Variants in SPDL1 observed in about 807,000 individuals in gnomAD.
The protein encoded by SPDL1 is spindle apparatus coiled-coil protein 1, also known as protein Spindly.
Under a neutral mutation model 79.5 loss-of-function variants are expected in SPDL1, and 85 were observed. The observed-to-expected ratio is 1.07, with a 90% CI of 0.90 to 1.28. The LOEUF (loss-of-function observed/expected upper bound fraction) is 1.28, where lower values mean the gene tolerates loss of function less well. Among genes scored for constraint, SPDL1 ranks in the 50% most tolerant of loss-of-function variants. The probability of loss-of-function intolerance (pLI) is 0.00; values close to 1 mark genes in which losing one functional copy is unlikely to be tolerated. For synonymous variants in SPDL1, 269 were observed against 240.3 expected, an observed-to-expected ratio of 1.12 and a Z score of -1.10; for missense variants, 703 against 697.8, an observed-to-expected ratio of 1.01 and a Z score of -0.08.
At position 169,604,154 on chromosome 5, in the gene SPDL1, A is replaced by G. The variant is rs1456807181; in HGVS notation, c.1765A>G (p.Ile589Val). 1.2e-6 allele frequency: 2 copies of G among 1,612,484 alleles called. No homozygotes were observed. The highest frequency in any genetic ancestry group is 1.7e-6 in the Non-Finnish European group (2 of 1,179,412). ...EKETCKKLHP[I>V]LYVSSKSTPE... ...AGAAACTTGTAAGAAATTACACCCTATTCTATATGTGTCTTCTAAATCTAC... is the reference window on the plus strand; with the variant it reads ...AGAAACTTGTAAGAAATTACACCCTGTTCTATATGTGTCTTCTAAATCTAC... The change falls in exon 12 of 12, where the codon ATT becomes GTT. Residue 589 changes from isoleucine to valine, a missense_variant. By Grantham distance (29) the Ile-to-Val change is conservative. Coordinates refer to ENST00000265295, the MANE Select transcript of SPDL1 (RefSeq NM_017785.5).
At chr5:169,589,878 T>C (rs1471860879) in intron 2 of SPDL1, among the ~76,000 whole-genome samples, 1 of 152,028 alleles carries the variant, frequency 6.6e-6, no homozygotes, top group Non-Finnish European at 1.5e-5. Flanking sequence ...AATTTTTGTG[T>C]TTTTAGTAGA....
At position 169,604,305 on chromosome 5, in the gene SPDL1, T is replaced by A; in HGVS notation, c.*98T>A. 5 of 1,219,512 alleles carry A rather than the reference T, an allele frequency of 4.1e-6. No individual in the cohort carries two copies. The highest frequency in any genetic ancestry group is 5.5e-6 in the Non-Finnish European group (5 of 911,898). 75.5% of individuals were successfully genotyped at this position (1,219,512 alleles called of 1,614,324 possible). On this transcript the variant is annotated 3_prime_UTR_variant, in exon 12 of 12. Transcript: ENST00000265295. The stretch of plus-strand genomic sequence containing the variant: ...TGACATATATCACCTTCTGGGTTAT[T>A]TACTCATTGTGCCAGGACCTGGCAT...
intron 11 of SPDL1, 99 bp downstream of exon 11, chr5:169,601,724 C>T: frequency 9.3e-7 from 1 of 1,077,034 alleles, no homozygotes; most frequent in South Asian, 1.3e-5. Flanking sequence ...TACTTTCTTA[C>T]AATTGCATGC....
chr5:169,604,268 A>G lies in SPDL1; in HGVS notation c.*61A>G. ...CTCAAAAGTTACTATGGTGCTTAAG[A>G]TTGTCTTGATCTGACATATATCACC... On this transcript the variant is annotated 3_prime_UTR_variant, in exon 12 of 12. Transcript: ENST00000265295. 1.4e-6 allele frequency: 2 copies of G among 1,427,194 alleles called. No homozygotes were observed. The highest frequency in any genetic ancestry group is 1.4e-5 in the African/African-American group (1 of 69,186). 88.4% of individuals were successfully genotyped at this position (1,427,194 alleles called of 1,614,324 possible).
chr5:169,599,160 G>T lies in SPDL1; in HGVS notation c.1324+1G>T, dbSNP rs557464083. 4 of 1,448,116 alleles carry T rather than the reference G, an allele frequency of 2.8e-6. No homozygotes were observed. The highest frequency in any genetic ancestry group is 2.4e-5 in the East Asian group (1 of 42,098). The allele number at this position is 1,448,116 out of a possible 1,614,324, so 89.7% of individuals were successfully genotyped here. ...TTGAAACTAAAATATGAACCTGAAG[G>T]TATATATGTCTCATATATTTTTGTC... On this transcript the variant is annotated splice_donor_variant, in intron 10 of 11. Coordinates refer to ENST00000265295, the MANE Select transcript of SPDL1 (RefSeq NM_017785.5). LOFTEE classifies it high-confidence loss of function.
chr5:169,594,723 G>A (rs538741349), intron 7 of SPDL1, 42 bp downstream of exon 7: 8 of 1,378,216 alleles, frequency 5.8e-6, no homozygotes, highest in African/African-American at 4.3e-5. Flanking sequence ...AACAAATTTT[G>A]TGTCAGCATT....
intron 2 of SPDL1, 177 bp from the exon 3 acceptor site, chr5:169,590,871 C>G (rs982010398): frequency 2.9e-6 from 2 of 679,826 alleles, no homozygotes; most frequent in Admixed American, 4.2e-5. Flanking sequence ...AAATACACCT[C>G]AGGGGTTTAT....
chr5:169,604,296 C>G lies in SPDL1; in HGVS notation c.*89C>G. ...GTCTTGATCTGACATATATCACCTT[C>G]TGGGTTATTTACTCATTGTGCCAGG... On this transcript the variant is annotated 3_prime_UTR_variant, in exon 12 of 12. Transcript: ENST00000265295. 1 of 1,275,624 alleles carries G rather than the reference C, an allele frequency of 7.8e-7. No homozygotes were observed. Among genetic ancestry groups the G allele is most frequent in the Non-Finnish European group, 1.0e-6 (1 of 955,030 alleles). 79.0% of individuals were successfully genotyped at this position (1,275,624 alleles called of 1,614,324 possible). A position where few individuals can be genotyped will look rare whatever the true frequency, so the allele number is the denominator to read the frequency against.
intron 3 of SPDL1, among the ~76,000 whole-genome samples, chr5:169,592,353 G>A (rs1454561568): frequency 6.6e-5 from 10 of 151,284 alleles, no homozygotes; most frequent in Admixed American, 5.3e-4. Context: ...AAGTGGCTGG[G>A]ATTACAGGTG....
chr5:169,586,951 C>T (rs955212648), intron 1 of SPDL1, among the ~76,000 whole-genome samples: 8 of 152,262 alleles, frequency 5.3e-5, no homozygotes, highest in African/African-American at 1.4e-4. Flanking sequence ...GCCTGATTTG[C>T]CCACTCTCTA....
intron 11 of SPDL1, among the ~76,000 whole-genome samples, 181 bp from the exon 12 acceptor site, chr5:169,603,879 C>T (rs1014846132): frequency 6.6e-6 from 1 of 152,004 alleles, no homozygotes; most frequent in Non-Finnish European, 1.5e-5. Flanking sequence ...AATAATTGAG[C>T]CTATTGATAT....
At chr5:169,588,128 G>A (rs1252320004) in intron 1 of SPDL1, among the ~76,000 whole-genome samples, 3 of 152,198 alleles carry the variant, frequency 2.0e-5, no homozygotes, top group Non-Finnish European at 2.9e-5. Flanking sequence ...CAACTGAACA[G>A]TTTTCTGATG....
chr5:169,594,439 G>A lies in SPDL1; in HGVS notation c.727G>A (p.Ala243Thr), dbSNP rs1755477302. The A allele has an allele frequency of 6.2e-7, 1 of 1,614,044 alleles. No individual in the cohort carries two copies. Among genetic ancestry groups the A allele is most frequent in the South Asian group, 1.1e-5 (1 of 91,076 alleles). Reference protein sequence around the residue: ...NQDLQVQLDQALQQALDPNSK... With the variant: ...NQDLQVQLDQTLQQALDPNSK... ...AGATCTTCAGGTACAGTTGGACCAGGCACTCCAGCAAGCCTTGGATCCCAA... is the reference window on the plus strand; with the variant it reads ...AGATCTTCAGGTACAGTTGGACCAGACACTCCAGCAAGCCTTGGATCCCAA... The change falls in exon 6 of 12, where the codon GCA becomes ACA. Residue 243 changes from alanine (A) to threonine (T), a missense_variant. By Grantham distance (58) the Ala-to-Thr change is moderately conservative (BLOSUM62 0). Coordinates refer to ENST00000265295, the MANE Select transcript of SPDL1 (RefSeq NM_017785.5).
intron 8 of SPDL1, 63 bp from the exon 9 acceptor site, chr5:169,598,413 A>G (rs1253991591): frequency 2.8e-6 from 3 of 1,055,434 alleles, no homozygotes; most frequent in African/African-American, 3.2e-5. Context: ...GCTATTATTA[A>G]TAAACATACA....
intron 10 of SPDL1, among the ~76,000 whole-genome samples, chr5:169,600,052 A>G (rs1755802928): frequency 6.6e-6 from 1 of 152,214 alleles, no homozygotes; most frequent in South Asian, 2.1e-4. Flanking sequence ...CTGTATGTAA[A>G]TTCAAAAACA....
rs373179277 is a variant in SPDL1, at chr5:169,604,161, A to G, written c.1772A>G (p.Tyr591Cys). 13 of 1,610,564 alleles carry G rather than the reference A, an allele frequency of 8.1e-6. No individual in the cohort carries two copies. The highest frequency in any genetic ancestry group is 1.7e-5 in the Admixed American group (1 of 59,376). ...TGTAAGAAATTACACCCTATTCTAT[A>G]TGTGTCTTCTAAATCTACTCCAGAG... is the stretch of plus-strand genomic sequence containing the variant. ...ETCKKLHPILYVSSKSTPETQ... is the reference protein window; with the variant it reads ...ETCKKLHPILCVSSKSTPETQ... Residue 591 changes from tyrosine (Y) to cysteine (C), a missense_variant, in exon 12 of 12, where the codon TAT becomes TGT. Tyr to Cys is a radical substitution (Grantham distance 194). Coordinates refer to ENST00000265295, the MANE Select transcript of SPDL1 (RefSeq NM_017785.5).
In SPDL1 at chr5:169,593,524, G is replaced by A; in HGVS notation, c.507G>A (p.Glu169=). 3.1e-6 allele frequency: 5 copies of A among 1,610,898 alleles called. No homozygotes were observed. Among genetic ancestry groups the A allele is most frequent in the Non-Finnish European group, 4.2e-6 (5 of 1,178,988 alleles). ...CAGAGATGCTGGCTCTTCAAATTGA[G>A]CTGACAGAAATGGAGAGTATGAAGG... is the stretch of plus-strand genomic sequence containing the variant. ...MSSEMLALQI[E]LTEMESMKTT... is the part of the protein sequence containing the mutation. Residue 169 remains glutamate (E), a synonymous_variant, in exon 4 of 12, where the codon GAG becomes GAA. Coordinates refer to ENST00000265295, the MANE Select transcript of SPDL1 (RefSeq NM_017785.5).
At position 169,604,126 on chromosome 5, in the gene SPDL1, A is replaced by G; in HGVS notation, c.1737A>G (p.Glu579=). ...KEGKETSSKL[E]KETCKKLHPI... is the part of the protein sequence containing the mutation. ...GAAAAGAAACTTCAAGCAAATTGGA[A>G]AAAGAAACTTGTAAGAAATTACACC... Residue 579 remains glutamate, a synonymous_variant, in exon 12 of 12, where the codon GAA becomes GAG. Transcript: ENST00000265295. The G allele has an allele frequency of 6.2e-7, 1 of 1,613,504 alleles. No homozygotes were observed. The highest frequency in any genetic ancestry group is 1.1e-5 in the South Asian group (1 of 90,946).
At chr5:169,598,250 CTCT>C (rs901293318) in intron 8 of SPDL1, among the ~76,000 whole-genome samples, 49 of 152,300 alleles carry the variant, frequency 3.2e-4, no homozygotes, top group African/African-American at 1.2e-3. Flanking sequence ...TTCAGGTTCT[CTCT>C]TCTTGGTTTA....
Sources: gnomAD v4.1 joint callset for allele counts (sites outside exome capture counted in the v4.1 genomes callset) on GRCh38, gnomAD v4.1.1 for gene constraint, MANE v1.5 for transcripts, NCBI Gene and HGNC (gene_info 2026-07-23, HGNC 2026-07-21) for gene names.